Variants in PPP1R12B observed in about 807,000 individuals in gnomAD.
PPP1R12B encodes the protein myosin phosphatase target subunit 2.
Under a neutral mutation model 126.1 loss-of-function variants are expected in PPP1R12B, and 76 were observed. The observed-to-expected ratio is 0.60, with a 90% confidence interval of 0.50 to 0.73. The LOEUF is 0.73. Among genes scored for constraint, PPP1R12B ranks in the 30% least tolerant of loss-of-function variants. PPP1R12B has a pLI of 0.00. For synonymous variants in PPP1R12B, 356 were observed against 434.7 expected, an observed-to-expected ratio of 0.82 and a Z score of 2.25; for missense variants, 1,052 against 1,205.1, an observed-to-expected ratio of 0.87 and a Z score of 1.88.
At chr1:202,500,283 C>T (rs545088927) in intron 18 of PPP1R12B, among the ~76,000 whole-genome samples, 17 of 152,036 alleles carry the variant, frequency 1.1e-4, no homozygotes, top group Non-Finnish European at 1.3e-4. Flanking sequence ...GAGATATCTG[C>T]ACCCCTATGT....
chr1:202,359,615 A>G (rs1045105698), intron 1 of PPP1R12B, among the ~76,000 whole-genome samples: 2 of 147,340 alleles, frequency 1.4e-5, no homozygotes, highest in Non-Finnish European at 3.0e-5. Context: ...CCCTGTCTCC[A>G]CTAAAAATAC....
At position 202,349,073 on chromosome 1, in the gene PPP1R12B, G is replaced by A. The variant is rs1655430626; in HGVS notation, c.222G>A (p.Val74=). Residue 74 remains valine, a synonymous_variant, in exon 1 of 24, where the codon GTG becomes GTA. Transcript: ENST00000608999. ...AACSSGDTDE[V]RKLLARGADI... is the part of the protein sequence containing the mutation. ...GCTCTAGCGGGGACACCGACGAGGT[G>A]AGAAAGCTTCTGGCAAGAGGTGCTG... is the stretch of plus-strand genomic sequence containing the variant. 6.2e-7 allele frequency: 1 copy of A among 1,614,136 alleles called. No homozygotes were observed. Among genetic ancestry groups the A allele is most frequent in the Non-Finnish European group, 8.5e-7 (1 of 1,180,040 alleles).
At chr1:202,402,262 AC>A (rs1403134626) in intron 1 of PPP1R12B, among the ~76,000 whole-genome samples, 1 of 152,170 alleles carries the variant, frequency 6.6e-6, no homozygotes, top group African/African-American at 2.4e-5. Context: ...GACTTCTCTT[AC>A]CAACAAATCA....
At chr1:202,573,903 A>G (rs1246267369) in intron 23 of PPP1R12B, among the ~76,000 whole-genome samples, 1 of 152,096 alleles carries the variant, frequency 6.6e-6, no homozygotes, top group African/African-American at 2.4e-5. Context: ...GTTTATGAAC[A>G]CCTTTAAGCA....
chr1:202,540,194 T>A (rs1171643435), intron 18 of PPP1R12B: 1 of 1,611,082 alleles, frequency 6.2e-7, no homozygotes, highest in Admixed American at 1.7e-5. Flanking sequence ...GAAATCTCAG[T>A]CTGATTCTCC....
intron 9 of PPP1R12B, among the ~76,000 whole-genome samples, chr1:202,435,485 T>C (rs927499169): frequency 3.3e-5 from 5 of 152,224 alleles, no homozygotes; most frequent in Non-Finnish European, 7.3e-5. Context: ...TTTAAGACTT[T>C]CATGAGTAAA....
chr1:202,408,735 G>C (rs112998238), intron 1 of PPP1R12B, among the ~76,000 whole-genome samples: 1,971 of 151,970 alleles, frequency 0.013, 27 homozygotes, highest in Non-Finnish European at 0.019. Flanking sequence ...CCATCAATGG[G>C]CTCTTCAATT....
At chr1:202,369,337 C>G (rs1258142794) in intron 1 of PPP1R12B, among the ~76,000 whole-genome samples, 4 of 152,168 alleles carry the variant, frequency 2.6e-5, no homozygotes, top group Non-Finnish European at 5.9e-5. Context: ...ACAGTGATAC[C>G]ATTTACTGAA....
At chr1:202,354,027 G>C (rs1231991575) in intron 1 of PPP1R12B, among the ~76,000 whole-genome samples, 6 of 152,124 alleles carry the variant, frequency 3.9e-5, no homozygotes, top group Non-Finnish European at 8.8e-5. Flanking sequence ...TATGGATTAA[G>C]CACAATTCTG....
intron 18 of PPP1R12B, among the ~76,000 whole-genome samples, chr1:202,536,024 A>G (rs563075936): frequency 6.6e-6 from 1 of 152,322 alleles, no homozygotes; most frequent in South Asian, 2.1e-4. Context: ...ATCTGTTTTT[A>G]CTTTACTTTA....
intron 18 of PPP1R12B, among the ~76,000 whole-genome samples, chr1:202,550,445 T>C (rs1446524789): frequency 1.3e-5 from 2 of 152,176 alleles, no homozygotes; most frequent in Non-Finnish European, 2.9e-5. Flanking sequence ...GGAGTGAAAC[T>C]CAAACAGTGG....
intron 13 of PPP1R12B, among the ~76,000 whole-genome samples, chr1:202,472,429 G>A (rs1274030344): frequency 6.6e-6 from 1 of 152,184 alleles, no homozygotes; most frequent in East Asian, 1.9e-4. Flanking sequence ...GCCAGGTCCA[G>A]CTGGTATAGC....
chr1:202,533,520 C>T (rs1369196452), intron 18 of PPP1R12B, among the ~76,000 whole-genome samples: 1 of 151,850 alleles, frequency 6.6e-6, no homozygotes, highest in Non-Finnish European at 1.5e-5. Context: ...GGTTTTATGA[C>T]ATTGCCCAGG....
intron 1 of PPP1R12B, among the ~76,000 whole-genome samples, chr1:202,363,628 A>G (rs1013080145): frequency 1.3e-5 from 2 of 152,188 alleles, no homozygotes; most frequent in African/African-American, 4.8e-5. Context: ...CTATTATAGG[A>G]CCACTTGAAA....
chr1:202,359,542 G>T (rs1052595331), intron 1 of PPP1R12B, among the ~76,000 whole-genome samples: 4 of 152,018 alleles, frequency 2.6e-5, no homozygotes, highest in African/African-American at 9.7e-5. Flanking sequence ...AGCACTGGGA[G>T]GCCAAGGCAG....
chr1:202,561,385 CT>C (rs201561914), intron 19 of PPP1R12B, among the ~76,000 whole-genome samples: 792 of 138,186 alleles, frequency 5.7e-3, no homozygotes, highest in Non-Finnish European at 6.6e-3. Flanking sequence ...AGACTGCAGT[CT>C]TTTTTTTTTT....
intron 8 of PPP1R12B, among the ~76,000 whole-genome samples, chr1:202,432,854 C>G (rs1670353126): frequency 1.3e-5 from 2 of 152,186 alleles, no homozygotes; most frequent in Non-Finnish European, 2.9e-5. Flanking sequence ...CATGGCTGGC[C>G]TACCTATAAT....
intron 1 of PPP1R12B, among the ~76,000 whole-genome samples, chr1:202,350,485 T>TA (rs1249350414): frequency 2.0e-5 from 3 of 152,198 alleles, no homozygotes; most frequent in Non-Finnish European, 4.4e-5. Flanking sequence ...TTTTCAGACT[T>TA]ATGTCACAGA....
chr1:202,440,609 T>C, intron 10 of PPP1R12B, 97 bp from the exon 11 acceptor site: 1 of 789,080 alleles, frequency 1.3e-6, no homozygotes, highest in South Asian at 1.8e-5. Context: ...AGAAATAAGA[T>C]GATATAGGTA....
Sources: allele counts gnomAD v4.1 joint callset (sites outside exome capture counted in the v4.1 genomes callset), GRCh38; gene constraint gnomAD v4.1.1; transcripts MANE v1.5; gene names NCBI Gene and HGNC (gene_info 2026-07-23, HGNC 2026-07-21).